Variants in MAPK8IP3 observed in about 807,000 individuals in gnomAD.
MAPK8IP3 encodes mitogen-activated protein kinase 8 interacting protein 3.
In MAPK8IP3, 49 loss-of-function variants were observed where a neutral mutation model predicts 157.8. The ratio of observed to expected loss-of-function variants is 0.31; its 90% CI spans 0.25 to 0.39. The LOEUF is 0.39. MAPK8IP3 is among the 10% of genes least tolerant of loss of function. The probability of loss-of-function intolerance (pLI) is 1.00; values close to 1 mark genes in which losing one functional copy is unlikely to be tolerated. For synonymous variants in MAPK8IP3, 897 were observed against 777.7 expected, an observed-to-expected ratio of 1.15 and a Z score of -2.55; for missense variants, 1,478 against 1,889.4, an observed-to-expected ratio of 0.78 and a Z score of 4.04.
At chr16:1,767,381 G>C in intron 26 of MAPK8IP3, 84 bp downstream of exon 26, 2 of 1,575,892 alleles carry the variant, frequency 1.3e-6, no homozygotes, top group South Asian at 2.3e-5. Flanking sequence ...GGAAGTCCAC[G>C]AGGCCCTACG....
intron 16 of MAPK8IP3, among the ~76,000 whole-genome samples, chr16:1,763,410 G>C (rs550396883): frequency 6.6e-6 from 1 of 152,374 alleles, no homozygotes; most frequent in African/African-American, 2.4e-5. Flanking sequence ...GCAGCCTCTG[G>C]GTCGAGCAGG....
intron 5 of MAPK8IP3, chr16:1,746,812 A>C: frequency 1.7e-6 from 1 of 587,898 alleles, no homozygotes; most frequent in Non-Finnish European, 3.0e-6. Context: ...CCTGCTTCCG[A>C]GGAGCCGGAG....
chr16:1,751,004 T>C lies in MAPK8IP3; in HGVS notation c.1216+2284T>C, dbSNP rs1175921854. Among the ~76,000 whole-genome samples, 1 of 152,236 alleles carries C rather than the reference T, an allele frequency of 6.6e-6. No individual in the cohort carries two copies. Among genetic ancestry groups the C allele is most frequent in the Non-Finnish European group, 1.5e-5 (1 of 68,046 alleles). On this transcript the variant is annotated intron_variant, in intron 8 of 31. Coordinates refer to ENST00000610761, the MANE Select transcript of MAPK8IP3 (RefSeq NM_001318852.2). This position sits in a 1 kb window ranked among gnomAD's most constrained non-coding sequence, Gnocchi z 5.0. ...CCATGGCCCATGGCCCACAGAGGTA[T>C]GACACATGTGTACGCAGAACACACA...
rs774483640 is a variant in MAPK8IP3, at chr16:1,763,789, G to A, written c.2025+6G>A. The A allele has an allele frequency of 5.2e-6, 8 of 1,538,082 alleles. No homozygotes were observed. In the East Asian group the frequency reaches 7.3e-5, roughly 14 times the overall value. On this transcript the variant is annotated splice_donor_region_variant and intron_variant, in intron 17 of 31. Transcript: ENST00000610761. ...TGCCCGCCAAGTACAAGCAGGTGCG[G>A]GCGGGCGCTGCGGGGACCGGGCGGG...
chr16:1,749,524 C>T (rs951544202), intron 8 of MAPK8IP3, among the ~76,000 whole-genome samples: 1 of 152,192 alleles, frequency 6.6e-6, no homozygotes, highest in Non-Finnish European at 1.5e-5. Flanking sequence ...GTGCCTAGGT[C>T]TGTGGCGGCT....
chr16:1,736,171 CGT>C (rs1420351139), intron 4 of MAPK8IP3, among the ~76,000 whole-genome samples: 30 of 97,816 alleles, frequency 3.1e-4, no homozygotes, highest in Non-Finnish European at 4.2e-4. Flanking sequence ...TGTGAGCGTC[CGT>C]GTGAGCGTGT....
intron 4 of MAPK8IP3, among the ~76,000 whole-genome samples, chr16:1,738,490 G>T (rs2040262894): frequency 7.8e-6 from 1 of 128,210 alleles, no homozygotes; most frequent in East Asian, 2.5e-4. Flanking sequence ...GTGTGAGCGT[G>T]TGACCGTCCG....
Position 1,743,499 on chromosome 16 carries a change from T to C in MAPK8IP3, c.747+23T>C. On this transcript the variant is annotated intron_variant, in intron 5 of 31. Transcript: ENST00000610761. The surrounding 1 kb of genome is among the most constrained non-coding windows in gnomAD (Gnocchi z 5.6). ...CAGGTTTTGTAGCCGTGCCGTGGAGTGAGAGGCTCCTCCCTGTTGCTGGTG... is the reference window on the plus strand; with the variant it reads ...CAGGTTTTGTAGCCGTGCCGTGGAGCGAGAGGCTCCTCCCTGTTGCTGGTG... 6.2e-7 allele frequency: 1 copy of C among 1,604,566 alleles called. No homozygotes were observed. The highest frequency in any genetic ancestry group is 8.5e-7 in the Non-Finnish European group (1 of 1,177,858).
chr16:1,739,118 ATCCGTGTGAGCGTGTGACCG>A (rs1254931560), intron 4 of MAPK8IP3, among the ~76,000 whole-genome samples: 5 of 91,498 alleles, frequency 5.5e-5, no homozygotes, highest in East Asian at 3.7e-4. Flanking sequence ...CTGTGTGAGC[ATCCGTGTGAGCGTGTGACCG>A]TCCGTGTGTG....
At position 1,748,594 on chromosome 16, in the gene MAPK8IP3, C is replaced by T; in HGVS notation, c.1098-8C>T. On this transcript the variant is annotated splice_region_variant and splice_polypyrimidine_tract_variant and intron_variant, in intron 7 of 31. Coordinates refer to ENST00000610761, the MANE Select transcript of MAPK8IP3 (RefSeq NM_001318852.2). ...CTGCTCTCTCTCCCGACCTGTGGAT[C>T]CCAACAGCCCAACCCAGGGCATCGT... 1 of 1,608,798 alleles carries T rather than the reference C, an allele frequency of 6.2e-7. No homozygotes were observed. Among genetic ancestry groups the T allele is most frequent in the South Asian group, 1.1e-5 (1 of 90,976 alleles).
intron 1 of MAPK8IP3, among the ~76,000 whole-genome samples, chr16:1,718,916 A>G (rs1055588897): frequency 1.3e-5 from 2 of 152,008 alleles, no homozygotes; most frequent in African/African-American, 4.8e-5. Context: ...ACGACTCAAC[A>G]TTAGGGGCTG....
intron 1 of MAPK8IP3, among the ~76,000 whole-genome samples, chr16:1,719,691 CA>C (rs1555443537): frequency 1.4e-5 from 2 of 141,974 alleles, no homozygotes; most frequent in Non-Finnish European, 3.1e-5. Flanking sequence ...AAAAAAACCA[CA>C]AAAATTAGCC....
At chr16:1,727,837 C>A (rs2038996103) in intron 2 of MAPK8IP3, among the ~76,000 whole-genome samples, 1 of 152,156 alleles carries the variant, frequency 6.6e-6, no homozygotes, top group Non-Finnish European at 1.5e-5. Flanking sequence ...GGCCAGTTAC[C>A]CCCCAGATCA....
At position 1,768,127 on chromosome 16, in the gene MAPK8IP3, G is replaced by A; in HGVS notation, c.3562+20G>A. 6.2e-7 allele frequency: 1 copy of A among 1,612,030 alleles called. No individual in the cohort carries two copies. Among genetic ancestry groups the A allele is most frequent in the Non-Finnish European group, 8.5e-7 (1 of 1,179,946 alleles). Reference sequence around the variant, plus strand: ...TCCGAGGTAAGCCCAGCCACCTCGTGTCCCCTCACGGGAGCCTCTCCCACT... The same window carrying A: ...TCCGAGGTAAGCCCAGCCACCTCGTATCCCCTCACGGGAGCCTCTCCCACT... On this transcript the variant is annotated intron_variant, in intron 29 of 31. Coordinates refer to ENST00000610761, the MANE Select transcript of MAPK8IP3 (RefSeq NM_001318852.2).
At chr16:1,762,002 G>A (rs964934887) in intron 13 of MAPK8IP3, among the ~76,000 whole-genome samples, 10 of 152,100 alleles carry the variant, frequency 6.6e-5, no homozygotes, top group Non-Finnish European at 1.2e-4. Flanking sequence ...CTGGGGACTC[G>A]CCGGCTGTTC....
chr16:1,747,873 T>G (rs1596706904), intron 6 of MAPK8IP3, among the ~76,000 whole-genome samples: 1 of 151,866 alleles, frequency 6.6e-6, no homozygotes, highest in East Asian at 1.9e-4. Context: ...ACAGCCCCAC[T>G]AACCAGTAAC....
chr16:1,717,394 G>T (rs1326422853), intron 1 of MAPK8IP3, among the ~76,000 whole-genome samples: 1 of 152,204 alleles, frequency 6.6e-6, no homozygotes, highest in Non-Finnish European at 1.5e-5. Flanking sequence ...TGGCATATTG[G>T]TACCTAGATG....
chr16:1,715,479 C>T (rs1567137653), intron 1 of MAPK8IP3, among the ~76,000 whole-genome samples: 1 of 152,166 alleles, frequency 6.6e-6, no homozygotes, highest in Admixed American at 6.5e-5. Context: ...TGGGAACTAG[C>T]CATGAAGGGC....
intron 4 of MAPK8IP3, among the ~76,000 whole-genome samples, chr16:1,736,687 T>A (rs1230906575): frequency 1.3e-5 from 1 of 75,020 alleles, no homozygotes; most frequent in Non-Finnish European, 2.5e-5. Flanking sequence ...AGCATCCGTG[T>A]GACCGACCGT....
Sources: allele counts gnomAD v4.1 joint callset (sites outside exome capture counted in the v4.1 genomes callset), GRCh38; gene constraint gnomAD v4.1.1; non-coding constraint Gnocchi (gnomAD v3.1); transcripts MANE v1.5; gene names NCBI Gene and HGNC (gene_info 2026-07-23, HGNC 2026-07-21).